MRTFA: variants seen among roughly 807,000 people sequenced by gnomAD.
MRTFA encodes myocardin related transcription factor A, also known as myocardin-related transcription factor A.
A neutral mutation model predicts 83.5 loss-of-function variants in MRTFA; 20 were observed. The ratio of observed to expected loss-of-function variants is 0.24; its 90% CI spans 0.17 to 0.35. The LOEUF (loss-of-function observed/expected upper bound fraction) is 0.35. Ranked by LOEUF, MRTFA falls within the 10% of genes least tolerant of loss-of-function variation. The pLI is 1.00. For missense variants in MRTFA, 1,200 were observed against 1,224.7 expected (o/e 0.98, Z 0.30); for synonymous variants, 659 against 541.2 (o/e 1.22, Z -3.02).
At chr22:40,413,595 C>A (rs889284097) in intron 14 of MRTFA, among the ~76,000 whole-genome samples, 1 of 152,052 alleles carries the variant, frequency 6.6e-6, no homozygotes, top group Non-Finnish European at 1.5e-5. Flanking sequence ...GTGCCCGCCA[C>A]CATGCCCGGA....
At chr22:40,548,403 G>A (rs565924846) in intron 3 of MRTFA, among the ~76,000 whole-genome samples, 3 of 138,898 alleles carry the variant, frequency 2.2e-5, no homozygotes, top group Non-Finnish European at 3.1e-5. Flanking sequence ...AAAACCAAAA[G>A]AGGGGCATCT....
rs139360493 is a variant in MRTFA, at chr22:40,477,058, G to A, written c.242-13772C>T. 1.4e-3 allele frequency among the ~76,000 whole-genome samples: 218 copies of A among 151,804 alleles called. 6 individuals are homozygous for A. In the East Asian group the frequency reaches 0.03, roughly 21 times the overall value. On this transcript the variant is annotated intron_variant, in intron 3 of 14. Transcript: ENST00000355630. ...ACAGAAATGACCTCTGGCCAGGTGC[G>A]GTGGCTCATGCCTGTAATCCCAGCA...
chr22:40,630,052 C>T (rs567277078), intron 1 of MRTFA, among the ~76,000 whole-genome samples: 6 of 151,890 alleles, frequency 4.0e-5, no homozygotes, highest in African/African-American at 1.4e-4. Flanking sequence ...GTGGCTCATG[C>T]TTATCATCCT....
chr22:40,593,637 G>A (rs9611375), intron 2 of MRTFA, among the ~76,000 whole-genome samples: 5,184 of 152,146 alleles, frequency 0.034, 134 homozygotes, highest in Middle Eastern at 0.075. Context: ...AGACAGCAGC[G>A]TCAATTCCAA....
At chr22:40,617,728 A>G (rs78660618) in intron 1 of MRTFA, among the ~76,000 whole-genome samples, 1 of 149,820 alleles carries the variant, frequency 6.7e-6, no homozygotes, top group Non-Finnish European at 1.5e-5. Flanking sequence ...CTCTGTCTCA[A>G]AAAAAAAAAA....
chr22:40,504,095 A>C (rs1196697804), intron 3 of MRTFA, among the ~76,000 whole-genome samples: 1 of 152,196 alleles, frequency 6.6e-6, no homozygotes. Context: ...TCTCTGCATA[A>C]GTTCATTATT....
At chr22:40,623,017 T>C (rs368295208) in intron 1 of MRTFA, among the ~76,000 whole-genome samples, 2 of 152,142 alleles carry the variant, frequency 1.3e-5, no homozygotes, top group East Asian at 3.8e-4. Flanking sequence ...CCTGAGTAAC[T>C]AGAAGAGTTA....
chr22:40,467,253 A>G (rs970816448), intron 3 of MRTFA, among the ~76,000 whole-genome samples: 1 of 152,170 alleles, frequency 6.6e-6, no homozygotes, highest in Non-Finnish European at 1.5e-5. Flanking sequence ...ATAACCTTCA[A>G]TGGTTACAAA....
chr22:40,420,541 G>C lies in MRTFA; in HGVS notation c.1217C>G (p.Pro406Arg). The change falls in exon 11 of 15, where the codon CCC becomes CGC. Residue 406 changes from proline to arginine, a missense_variant. Around this residue, in one of 2 missense-constraint regions of MRTFA, gnomAD observed 1,107 missense variants for 1,041.8 expected, o/e 1.06. Coordinates refer to ENST00000355630, the MANE Select transcript of MRTFA (RefSeq NM_020831.6). ...GGTAGTGGAGAGGCTGCGTACTGGG[G>C]GGGTCCCGCTGCTTCCCAGGGCCTC... 6.2e-7 allele frequency: 1 copy of C among 1,613,656 alleles called. No individual in the cohort carries two copies. The highest frequency in any genetic ancestry group is 1.1e-5 in the South Asian group (1 of 91,080).
chr22:40,587,975 G>A, intron 2 of MRTFA: 1 of 281,908 alleles, frequency 3.5e-6, no homozygotes, highest in Non-Finnish European at 7.1e-6. Context: ...AGAGTACACT[G>A]ATAACAGTGG....
chr22:40,618,903 G>C (rs921678400), intron 1 of MRTFA, among the ~76,000 whole-genome samples: 30 of 151,936 alleles, frequency 2.0e-4, no homozygotes, highest in African/African-American at 7.3e-4. Context: ...AGAGGTTTCA[G>C]TGAGCCAAGA....
At chr22:40,549,325 C>A (rs2055411417) in intron 3 of MRTFA, among the ~76,000 whole-genome samples, 1 of 152,112 alleles carries the variant, frequency 6.6e-6, no homozygotes, top group Non-Finnish European at 1.5e-5. Context: ...GTGAAACAAC[C>A]TAAACATCCA....
At chr22:40,502,466 G>A (rs1330097742) in intron 3 of MRTFA, among the ~76,000 whole-genome samples, 1 of 135,838 alleles carries the variant, frequency 7.4e-6, no homozygotes, top group East Asian at 2.4e-4. Context: ...GACGATGGGC[G>A]GCCGGGCAGA....
chr22:40,428,023 G>A (rs576011947), intron 7 of MRTFA, among the ~76,000 whole-genome samples: 16 of 152,250 alleles, frequency 1.1e-4, no homozygotes, highest in South Asian at 6.2e-4. Flanking sequence ...GGCACCCCAC[G>A]ACACTGTGCC....
chr22:40,515,967 C>T (rs1017287229), intron 3 of MRTFA, among the ~76,000 whole-genome samples: 5 of 152,116 alleles, frequency 3.3e-5, no homozygotes, highest in Non-Finnish European at 5.9e-5. Context: ...CTAAAAACAT[C>T]CAAACTACCT....
At chr22:40,475,262 A>C (rs966658494) in intron 3 of MRTFA, among the ~76,000 whole-genome samples, 3 of 151,536 alleles carry the variant, frequency 2.0e-5, no homozygotes, top group African/African-American at 2.4e-5. Context: ...AAGCCATCTA[A>C]GGTGGTGGTT....
chr22:40,412,063 T>TA, intron 14 of MRTFA, 156 bp from the exon 15 acceptor site: 1 of 526,716 alleles, frequency 1.9e-6, no homozygotes, highest in Non-Finnish European at 3.0e-6. Flanking sequence ...TATAAAACTC[T>TA]TTAAAAATAT....
intron 3 of MRTFA, among the ~76,000 whole-genome samples, chr22:40,531,454 T>A (rs1213225019): frequency 6.6e-6 from 1 of 152,034 alleles, no homozygotes. Flanking sequence ...AATATTCAAA[T>A]GAAAATTGTT....
At chr22:40,490,620 AAAG>A (rs2054257896) in intron 3 of MRTFA, among the ~76,000 whole-genome samples, 1 of 151,856 alleles carries the variant, frequency 6.6e-6, no homozygotes, top group African/African-American at 2.4e-5. Flanking sequence ...AAAGAAAAGA[AAAG>A]AAGAAAAAAA....
Sources: allele counts gnomAD v4.1 joint callset (sites outside exome capture counted in the v4.1 genomes callset), GRCh38; gene constraint gnomAD v4.1.1; regional missense constraint gnomAD v4.1.1; transcripts MANE v1.5; gene names NCBI Gene and HGNC (gene_info 2026-07-23, HGNC 2026-07-21).